ZYG11B: variants seen among roughly 807,000 people sequenced by gnomAD.
ZYG11B encodes the protein protein zyg-11 homolog B.
ZYG11B carries 36 observed loss-of-function variants against 82.4 expected under a neutral mutation model. The ratio of observed to expected loss-of-function variants is 0.44; its 90% CI spans 0.33 to 0.58. The LOEUF is 0.58. Among genes scored for constraint, ZYG11B ranks in the 20% least tolerant of loss-of-function variants. ZYG11B has a pLI of 0.02. For synonymous variants in ZYG11B, 303 were observed against 312.8 expected (o/e 0.97, Z 0.33); for missense variants, 552 against 895.6 (o/e 0.62, Z 4.90).
At chr1:52,818,672 T>G (rs1412719049) in intron 13 of ZYG11B, among the ~76,000 whole-genome samples, 1 of 152,126 alleles carries the variant, frequency 6.6e-6, no homozygotes, top group Non-Finnish European at 1.5e-5. Context: ...ATGAATTAAA[T>G]TTCTTCTATT....
chr1:52,772,983 AC>A (rs1394768092), intron 3 of ZYG11B, among the ~76,000 whole-genome samples: 4 of 151,886 alleles, frequency 2.6e-5, no homozygotes, highest in Non-Finnish European at 4.4e-5. Context: ...AGCTACATAT[AC>A]TGTTTTTAAT....
chr1:52,785,146 A>G (rs1188042870), intron 5 of ZYG11B, 93 bp downstream of exon 5: 1 of 1,365,336 alleles, frequency 7.3e-7, no homozygotes, highest in East Asian at 2.4e-5. Flanking sequence ...CTGGAAATTC[A>G]AATGCCTTTG....
In ZYG11B at chr1:52,784,867, T is replaced by G; in HGVS notation, c.1093-10T>G. 6 of 1,611,946 alleles carry G rather than the reference T, an allele frequency of 3.7e-6. No individual in the cohort carries two copies. Among genetic ancestry groups the G allele is most frequent in the Non-Finnish European group, 5.1e-6 (6 of 1,179,616 alleles). On this transcript the variant is annotated splice_polypyrimidine_tract_variant and intron_variant, in intron 4 of 13. Coordinates refer to ENST00000294353, the MANE Select transcript of ZYG11B (RefSeq NM_024646.3). ...AAGGTGAATTAAGAGGACTAATTTT[T>G]TTTTTCCAGCTTGTGGTTACTGGGA...
Position 52,726,580 on chromosome 1 carries a change from TG to T in ZYG11B, c.-72del. 1 of 1,344,070 alleles carries T rather than the reference TG, an allele frequency of 7.4e-7. No individual in the cohort carries two copies. The highest frequency in any genetic ancestry group is 9.5e-7 in the Non-Finnish European group (1 of 1,051,584). 83.3% of individuals were successfully genotyped at this position (1,344,070 alleles called of 1,614,324 possible). On this transcript the variant is annotated 5_prime_UTR_variant, in exon 1 of 14. Transcript: ENST00000294353. ...GGAGCCGCCGCTCGCCGGAGCCTCC[TG>T]GAGCCTCCGCGCCGGCTCAGCCTGG...
intron 1 of ZYG11B, among the ~76,000 whole-genome samples, chr1:52,749,662 G>A (rs1003649265): frequency 6.6e-6 from 1 of 152,030 alleles, no homozygotes; most frequent in Non-Finnish European, 1.5e-5. Flanking sequence ...GGAGTGCAAT[G>A]GTGCGATCTT....
At chr1:52,747,989 A>G (rs1644490513) in intron 1 of ZYG11B, among the ~76,000 whole-genome samples, 1 of 152,224 alleles carries the variant, frequency 6.6e-6, no homozygotes, top group African/African-American at 2.4e-5. Context: ...AGCACTTAGC[A>G]TAGTTAGTAG....
Position 52,790,670 on chromosome 1 carries a change from A to G in ZYG11B, c.1334+603A>G, listed in dbSNP as rs142363829. Among the ~76,000 whole-genome samples, 1,271 of 143,780 alleles carry G rather than the reference A, an allele frequency of 8.8e-3. 29 individuals are homozygous for G. Among genetic ancestry groups the G allele is most frequent in the African/African-American group, 0.032 (1,219 of 37,806 alleles). The allele number at this position is 143,780 out of a possible 152,430, so 94.3% of individuals were successfully genotyped here. ...GAGGCGGCGGTTGCAGTGAGCCAAGATCGCGCCATTGCACTCCAGCCTGGG... is the reference window on the plus strand; with the variant it reads ...GAGGCGGCGGTTGCAGTGAGCCAAGGTCGCGCCATTGCACTCCAGCCTGGG... On this transcript the variant is annotated intron_variant, in intron 6 of 13. Coordinates refer to ENST00000294353, the MANE Select transcript of ZYG11B (RefSeq NM_024646.3).
chr1:52,772,111 A>G (rs1644757361), intron 3 of ZYG11B: 12 of 929,962 alleles, frequency 1.3e-5, no homozygotes, highest in Non-Finnish European at 1.8e-5. Context: ...ATTTTGAACC[A>G]TTTACATATA....
At chr1:52,799,627 C>G (rs1239044541) in intron 8 of ZYG11B, among the ~76,000 whole-genome samples, 1 of 151,562 alleles carries the variant, frequency 6.6e-6, no homozygotes, top group Non-Finnish European at 1.5e-5. Flanking sequence ...AACCCCATCT[C>G]TACTTAAAAA....
At position 52,771,619 on chromosome 1, in the gene ZYG11B, C is replaced by T. The variant is rs1473930709; in HGVS notation, c.796C>T (p.Pro266Ser). Residue 266 changes from proline (P) to serine (S), a missense_variant, in exon 3 of 14, where the codon CCT (proline) becomes TCT (serine). By Grantham distance (74) the Pro-to-Ser change is moderately conservative. This residue lies in a region of ZYG11B where 359 missense variants were observed against 555.8 expected (regional missense o/e 0.65). Coordinates refer to ENST00000294353, the MANE Select transcript of ZYG11B (RefSeq NM_024646.3). This position sits in a 1 kb window ranked among gnomAD's most constrained non-coding sequence, Gnocchi z 5.4. ...LRLLEQKDILPNLVSLDVSGR... is the reference protein window; with the variant it reads ...LRLLEQKDILSNLVSLDVSGR... Reference sequence around the variant, plus strand: ...CTTACTAGAACAAAAAGACATCCTACCTAACCTTGTTTCTCTGGATGTTTC... The same window carrying T: ...CTTACTAGAACAAAAAGACATCCTATCTAACCTTGTTTCTCTGGATGTTTC... 6.2e-7 allele frequency: 1 copy of T among 1,614,210 alleles called. No homozygotes were observed. The highest frequency in any genetic ancestry group is 2.2e-5 in the East Asian group (1 of 44,882).
chr1:52,777,329 A>G (rs1326755779), intron 3 of ZYG11B, among the ~76,000 whole-genome samples: 1 of 152,252 alleles, frequency 6.6e-6, no homozygotes, highest in Non-Finnish European at 1.5e-5. Context: ...ACATATATCA[A>G]TACTGTAGTC....
intron 1 of ZYG11B, among the ~76,000 whole-genome samples, chr1:52,730,514 A>C (rs1195173670): frequency 1.3e-5 from 2 of 152,088 alleles, no homozygotes; most frequent in African/African-American, 4.8e-5. Flanking sequence ...TTTTGTGTAG[A>C]GAAGAGATCT....
chr1:52,760,128 C>A (rs575889025), intron 2 of ZYG11B, among the ~76,000 whole-genome samples: 2 of 152,238 alleles, frequency 1.3e-5, no homozygotes, highest in Non-Finnish European at 2.9e-5. Flanking sequence ...CCAGTGCTCC[C>A]GCCTTGTGAA....
intron 1 of ZYG11B, among the ~76,000 whole-genome samples, chr1:52,736,894 G>C (rs1644382715): frequency 6.6e-6 from 1 of 151,404 alleles, no homozygotes; most frequent in African/African-American, 2.4e-5. Flanking sequence ...TGGCCTGAAA[G>C]TGTTTTATGT....
intron 8 of ZYG11B, 56 bp from the exon 9 acceptor site, chr1:52,801,763 C>T (rs1196151027): frequency 3.5e-6 from 5 of 1,431,660 alleles, no homozygotes; most frequent in South Asian, 1.4e-5. Context: ...TTAATCACCA[C>T]AAATTGTAAT....
chr1:52,761,139 G>A (rs1644626941), intron 2 of ZYG11B, among the ~76,000 whole-genome samples: 1 of 152,126 alleles, frequency 6.6e-6, no homozygotes, highest in African/African-American at 2.4e-5. Context: ...TACATATACT[G>A]TATAGTGATA....
intron 1 of ZYG11B, among the ~76,000 whole-genome samples, chr1:52,740,833 G>C (rs1486673550): frequency 6.6e-6 from 1 of 151,234 alleles, no homozygotes; most frequent in Non-Finnish European, 1.5e-5. Context: ...CCAAAGTGCT[G>C]GGATTACAGG....
chr1:52,797,440 A>ACATAT (rs1645033726), intron 8 of ZYG11B, among the ~76,000 whole-genome samples: 1 of 123,046 alleles, frequency 8.1e-6, no homozygotes, highest in African/African-American at 3.7e-5. Context: ...TATATAACAT[A>ACATAT]TATATTATAT....
At chr1:52,734,589 G>T (rs1571738061) in intron 1 of ZYG11B, among the ~76,000 whole-genome samples, 1 of 151,180 alleles carries the variant, frequency 6.6e-6, no homozygotes. Context: ...GGCGGAGGTT[G>T]CAGTGAGCCG....
Sources: gnomAD v4.1 joint callset for allele counts (sites outside exome capture counted in the v4.1 genomes callset) on GRCh38, gnomAD v4.1.1 for gene constraint, gnomAD v4.1.1 regional missense constraint, Gnocchi (gnomAD v3.1) non-coding constraint, MANE v1.5 for transcripts, NCBI Gene and HGNC (gene_info 2026-07-23, HGNC 2026-07-21) for gene names.